Variants in C4orf51 observed in about 807,000 individuals in gnomAD.
C4orf51 encodes the protein uncharacterized protein C4orf51.
C4orf51 carries 25 observed loss-of-function variants against 25.2 expected under a neutral mutation model. That is an observed-to-expected ratio of 0.99 (90% CI 0.72 to 1.39). C4orf51 has a LOEUF of 1.39. Ranked by LOEUF, C4orf51 falls within the 40% of genes most tolerant of loss-of-function variation. The probability of loss-of-function intolerance (pLI) is 0.00; values close to 1 mark genes in which losing one functional copy is unlikely to be tolerated. For synonymous variants in C4orf51, 100 were observed against 84.5 expected (o/e 1.18, Z -1.01); for missense variants, 252 against 239.6 (o/e 1.05, Z -0.34).
the C4orf51 span, among the ~76,000 whole-genome samples, chr4:145,786,711 C>T: frequency 1.2e-3 from 177 of 152,322 alleles, 1 homozygote; most frequent in African/African-American, 4.0e-3. Context: ...AAACAAGCTA[C>T]CACCTTCTGA....
intron 1 of C4orf51, among the ~76,000 whole-genome samples, chr4:145,682,510 T>C (rs1183996333): frequency 6.6e-6 from 1 of 152,168 alleles, no homozygotes; most frequent in East Asian, 1.9e-4. Context: ...GGACAAAACA[T>C]AAAATGACTG....
Position 145,744,638 on chromosome 4 carries a change from G to C in C4orf51, n.168-9569G>C, listed in dbSNP as rs373756310. On this transcript the variant is annotated intron_variant and non_coding_transcript_variant, in intron 1 of 1. Transcript: ENST00000508981. Reference sequence around the variant, plus strand: ...AGATCGAGACCATCCTGGCTAACACGGTAAAACCCCGTCTCTACAAAAAAT... The same window carrying C: ...AGATCGAGACCATCCTGGCTAACACCGTAAAACCCCGTCTCTACAAAAAAT... 3.4e-3 allele frequency among the ~76,000 whole-genome samples: 518 copies of C among 151,976 alleles called. 4 individuals are homozygous for C. Among genetic ancestry groups the C allele is most frequent in the African/African-American group, 0.012 (503 of 41,452 alleles).
intron 2 of C4orf51, among the ~76,000 whole-genome samples, chr4:145,716,314 C>T (rs148370596): frequency 0.014 from 2,150 of 152,254 alleles, 27 homozygotes; most frequent in South Asian, 0.038. Context: ...CTCCATCTGG[C>T]AGGTGGGGGT....
intron 3 of C4orf51, among the ~76,000 whole-genome samples, chr4:145,727,253 T>G (rs1380207262): frequency 6.6e-6 from 1 of 152,144 alleles, no homozygotes; most frequent in Non-Finnish European, 1.5e-5. Flanking sequence ...TATAATATAC[T>G]GGCAGTTAAA....
the C4orf51 span, among the ~76,000 whole-genome samples, chr4:145,790,729 A>G: frequency 6.6e-6 from 1 of 152,204 alleles, no homozygotes; most frequent in Non-Finnish European, 1.5e-5. Flanking sequence ...AGCCCTTATC[A>G]GCTCCCAGAC....
At chr4:145,790,811 T>C in the C4orf51 span, among the ~76,000 whole-genome samples, 21 of 152,250 alleles carry the variant, frequency 1.4e-4, no homozygotes, top group Admixed American at 1.3e-4. Context: ...TCCTAACCTA[T>C]TGAATTCTGT....
At chr4:145,785,507 T>C in the C4orf51 span, among the ~76,000 whole-genome samples, 2 of 152,126 alleles carry the variant, frequency 1.3e-5, no homozygotes, top group Admixed American at 1.3e-4. Context: ...AATGAAGCAT[T>C]ATATTCCAGG....
chr4:145,741,162 G>T (rs746228574), intron 1 of C4orf51, among the ~76,000 whole-genome samples: 1 of 152,156 alleles, frequency 6.6e-6, no homozygotes, highest in Non-Finnish European at 1.5e-5. Flanking sequence ...CCTTTTAGCT[G>T]TAATATTCCG....
intron 1 of C4orf51, among the ~76,000 whole-genome samples, chr4:145,750,027 C>A (rs1171871009): frequency 6.6e-6 from 1 of 152,174 alleles, no homozygotes; most frequent in East Asian, 1.9e-4. Context: ...CTACACTTTA[C>A]CTTCATCTCC....
chr4:145,692,953 G>GT (rs202227019), intron 1 of C4orf51, among the ~76,000 whole-genome samples: 28 of 100,998 alleles, frequency 2.8e-4, no homozygotes, highest in East Asian at 1.3e-3. Context: ...TAAGTTTTTA[G>GT]TTTTTTTTTT....
chr4:145,792,088 A>G, the C4orf51 span, among the ~76,000 whole-genome samples: 1 of 152,226 alleles, frequency 6.6e-6, no homozygotes, highest in Non-Finnish European at 1.5e-5. Flanking sequence ...CAAGATTTCT[A>G]TGAGATGGTG....
intron 2 of C4orf51, among the ~76,000 whole-genome samples, chr4:145,723,174 T>C (rs560671407): frequency 8.6e-4 from 131 of 151,910 alleles, no homozygotes; most frequent in African/African-American, 3.1e-3. Context: ...GTTAAAAAGG[T>C]TGGGGACTGC....
chr4:145,709,571 C>A (rs1731022415), intron 2 of C4orf51, among the ~76,000 whole-genome samples: 1 of 152,194 alleles, frequency 6.6e-6, no homozygotes, highest in Non-Finnish European at 1.5e-5. Flanking sequence ...AGTCACGTGG[C>A]ATGCAAAAGT....
At chr4:145,688,200 T>TA (rs554716520) in intron 1 of C4orf51, among the ~76,000 whole-genome samples, 1,495 of 98,760 alleles carry the variant, frequency 0.015, 20 homozygotes, top group South Asian at 0.02. Flanking sequence ...GATCCTACCT[T>TA]AAAAAAAAAA....
Position 145,729,946 on chromosome 4 carries a change from G to A in C4orf51, c.482G>A (p.Gly161Glu). 2 of 1,613,904 alleles carry A rather than the reference G, an allele frequency of 1.2e-6. No individual in the cohort carries two copies. Among genetic ancestry groups the A allele is most frequent in the Non-Finnish European group, 1.7e-6 (2 of 1,179,804 alleles). ...GCCCTGATAAACTACAGTCGACGAG[G>A]GAAAGGTGTCCTAAAGCATGTAAGA... The part of the protein sequence containing the change: ...QEALINYSRR[G>E]KGVLKHLHGR... The change falls in exon 5 of 6, where the codon GGG becomes GAG. Residue 161 changes from glycine to glutamate, a missense_variant. Physicochemically the swap from Gly to Glu is moderately conservative, Grantham distance 98 (BLOSUM62 -2). Transcript: ENST00000438731.
At chr4:145,728,580 C>T (rs920944676) in intron 3 of C4orf51, among the ~76,000 whole-genome samples, 1 of 152,172 alleles carries the variant, frequency 6.6e-6, no homozygotes, top group East Asian at 1.9e-4. Flanking sequence ...GTCACAACAT[C>T]TTTGTCGACT....
At chr4:145,692,603 A>T (rs1445729454) in intron 1 of C4orf51, among the ~76,000 whole-genome samples, 3 of 152,224 alleles carry the variant, frequency 2.0e-5, no homozygotes, top group Non-Finnish European at 4.4e-5. Flanking sequence ...CCCTTGTCTC[A>T]GGAATAATTA....
At chr4:145,725,362 T>C (rs1191238776) in intron 2 of C4orf51, among the ~76,000 whole-genome samples, 3 of 152,216 alleles carry the variant, frequency 2.0e-5, no homozygotes, top group Admixed American at 6.5e-5. Context: ...ACAGCCACTT[T>C]GGAAAACATC....
At chr4:145,791,211 G>A in the C4orf51 span, among the ~76,000 whole-genome samples, 11 of 152,322 alleles carry the variant, frequency 7.2e-5, no homozygotes, top group East Asian at 9.6e-4. Flanking sequence ...AGTGTCTGGG[G>A]AGGCCCTGCT....
Sources: gnomAD v4.1 joint callset for allele counts (sites outside exome capture counted in the v4.1 genomes callset) on GRCh38, gnomAD v4.1.1 for gene constraint, MANE v1.5 for transcripts, NCBI Gene and HGNC (gene_info 2026-07-23, HGNC 2026-07-21) for gene names.